The following FILIP1L variants were observed in gnomAD, a reference collection of about 807,000 sequenced individuals.
FILIP1L encodes filamin A interacting protein 1 like, also known as filamin A-interacting protein 1-like.
Under a neutral mutation model 96.6 loss-of-function variants are expected in FILIP1L, and 55 were observed. The ratio of observed to expected loss-of-function variants is 0.57; its 90% CI spans 0.46 to 0.71. The LOEUF is 0.71. Ranked by LOEUF, FILIP1L falls within the 30% of genes least tolerant of loss-of-function variation. The pLI is 0.00. For missense variants in FILIP1L, 1,304 were observed against 1,321.2 expected (o/e 0.99, Z 0.20); for synonymous variants, 467 against 473.9 (o/e 0.99, Z 0.19).
At chr3:99,860,593 A>G (rs914226907) in intron 4 of FILIP1L, among the ~76,000 whole-genome samples, 3 of 152,172 alleles carry the variant, frequency 2.0e-5, no homozygotes, top group African/African-American at 4.8e-5. Flanking sequence ...AGGCAGCTAC[A>G]AGGAGAATAT....
intron 4 of FILIP1L, among the ~76,000 whole-genome samples, chr3:99,877,326 C>T (rs1014381316): frequency 6.6e-6 from 1 of 152,080 alleles, no homozygotes; most frequent in African/African-American, 2.4e-5. Context: ...TTTTGTCAAA[C>T]AAGAATGACG....
chr3:99,833,379 G>C, intron 5 of FILIP1L: 3 of 758,408 alleles, frequency 4.0e-6, no homozygotes, highest in South Asian at 1.8e-5. Flanking sequence ...AGACTCCCTG[G>C]TTACAGTGAG....
chr3:99,879,400 C>T (rs1351474323), intron 4 of FILIP1L, among the ~76,000 whole-genome samples: 2 of 152,196 alleles, frequency 1.3e-5, no homozygotes, highest in African/African-American at 4.8e-5. Context: ...AAGTCAGTTG[C>T]TACTGACCAT....
intron 1 of FILIP1L, among the ~76,000 whole-genome samples, chr3:100,062,302 G>A (rs185300564): frequency 2.3e-3 from 354 of 151,456 alleles, no homozygotes; most frequent in Non-Finnish European, 4.1e-3. Flanking sequence ...TAGTGGAGAC[G>A]AGGTTTCACC....
chr3:100,054,428 C>T (rs1023461395), intron 1 of FILIP1L, among the ~76,000 whole-genome samples: 6 of 152,076 alleles, frequency 3.9e-5, no homozygotes, highest in African/African-American at 7.3e-5. Flanking sequence ...AAGTGGAGCA[C>T]GTACTCTTGC....
chr3:100,093,007 A>G (rs1251212451), intron 1 of FILIP1L, among the ~76,000 whole-genome samples: 1 of 152,090 alleles, frequency 6.6e-6, no homozygotes, highest in Non-Finnish European at 1.5e-5. Context: ...TAAATTGAGA[A>G]TTTGTGGGGT....
intron 1 of FILIP1L, among the ~76,000 whole-genome samples, chr3:100,097,391 G>T (rs904758960): frequency 1.1e-4 from 16 of 152,176 alleles, no homozygotes; most frequent in African/African-American, 3.9e-4. Flanking sequence ...TGCAAATACT[G>T]TGCTATTTTA....
intron 1 of FILIP1L, among the ~76,000 whole-genome samples, chr3:100,070,612 C>G (rs988597127): frequency 6.6e-6 from 1 of 152,038 alleles, no homozygotes; most frequent in African/African-American, 2.4e-5. Flanking sequence ...TTCATATCAT[C>G]GTGGGGTTTT....
intron 1 of FILIP1L, among the ~76,000 whole-genome samples, chr3:100,028,809 A>C (rs1442793340): frequency 6.6e-6 from 1 of 152,178 alleles, no homozygotes; most frequent in Non-Finnish European, 1.5e-5. Context: ...AAGCTATCAC[A>C]CCAACTGTAC....
At chr3:99,975,626 T>C (rs1239739110) in intron 1 of FILIP1L, among the ~76,000 whole-genome samples, 2 of 151,874 alleles carry the variant, frequency 1.3e-5, no homozygotes, top group African/African-American at 4.8e-5. Flanking sequence ...AAATAAGTGC[T>C]ATGAAAAAGA....
chr3:100,001,330 G>A (rs114332154), intron 1 of FILIP1L, among the ~76,000 whole-genome samples: 2,399 of 152,202 alleles, frequency 0.016, 58 homozygotes, highest in African/African-American at 0.054. Context: ...TTTCTGTGAC[G>A]CAGTGTCAGA....
intron 1 of FILIP1L, among the ~76,000 whole-genome samples, chr3:100,047,959 G>A (rs1032599761): frequency 2.0e-5 from 3 of 152,138 alleles, no homozygotes; most frequent in African/African-American, 4.8e-5. Flanking sequence ...ATGAAAGAAC[G>A]AATTGTCCCT....
At chr3:99,917,187 T>C (rs551669200) in intron 4 of FILIP1L, among the ~76,000 whole-genome samples, 1 of 152,206 alleles carries the variant, frequency 6.6e-6, no homozygotes, top group African/African-American at 2.4e-5. Context: ...CCTAGGGCTG[T>C]GCTGGCTGTT....
chr3:99,892,782 A>G (rs537218515), intron 4 of FILIP1L, among the ~76,000 whole-genome samples: 3 of 152,340 alleles, frequency 2.0e-5, no homozygotes, highest in African/African-American at 7.2e-5. Context: ...GCCAAAGGGA[A>G]AGAGAATGAC....
At chr3:100,083,084 A>C (rs947439657) in intron 1 of FILIP1L, among the ~76,000 whole-genome samples, 2 of 152,196 alleles carry the variant, frequency 1.3e-5, no homozygotes, top group African/African-American at 4.8e-5. Flanking sequence ...TCCAGGTCTA[A>C]ATAAAATCAT....
Position 99,882,304 on chromosome 3 carries a change from T to C in FILIP1L, c.606-31234A>G, listed in dbSNP as rs149570625. Among the ~76,000 whole-genome samples the C allele has an allele frequency of 4.1e-4, 62 of 152,320 alleles. No individual in the cohort carries two copies. In the East Asian group the frequency reaches 9.9e-3, roughly 24 times the overall value. On this transcript the variant is annotated intron_variant, in intron 4 of 5. Transcript: ENST00000477258. ...TTAATTGCTTGATATGAAGGTGGCTTCTAATTGTAAAATCCTTTCCTTTTG... is the reference window on the plus strand; with the variant it reads ...TTAATTGCTTGATATGAAGGTGGCTCCTAATTGTAAAATCCTTTCCTTTTG...
At chr3:99,908,540 A>T (rs1706692993) in intron 4 of FILIP1L, among the ~76,000 whole-genome samples, 1 of 152,178 alleles carries the variant, frequency 6.6e-6, no homozygotes, top group Non-Finnish European at 1.5e-5. Context: ...ACTGGCAAAG[A>T]AGTGTTAAGA....
chr3:99,915,119 A>G (rs945787177), intron 4 of FILIP1L, among the ~76,000 whole-genome samples: 1 of 152,100 alleles, frequency 6.6e-6, no homozygotes, highest in Non-Finnish European at 1.5e-5. Context: ...GATAGTCCCA[A>G]TGCTCTTAAG....
chr3:99,845,896 G>A (rs762253684), intron 5 of FILIP1L, among the ~76,000 whole-genome samples: 46 of 152,216 alleles, frequency 3.0e-4, no homozygotes, highest in Non-Finnish European at 4.6e-4. Context: ...TTGAAAGTTT[G>A]GTAAATTTCC....
Sources: gnomAD v4.1 joint callset for allele counts (sites outside exome capture counted in the v4.1 genomes callset) on GRCh38, gnomAD v4.1.1 for gene constraint, MANE v1.5 for transcripts, NCBI Gene and HGNC (gene_info 2026-07-23, HGNC 2026-07-21) for gene names.